NFKB1: variants seen among roughly 807,000 people sequenced by gnomAD.
The protein encoded by NFKB1 is nuclear factor kappa B subunit 1, also known as nuclear factor NF-kappa-B p105 subunit.
Under a neutral mutation model 105.1 loss-of-function variants are expected in NFKB1, and 9 were observed. That is an observed-to-expected ratio of 0.09 (90% CI 0.05 to 0.15). The LOEUF is 0.15. Ranked by LOEUF, NFKB1 falls within the 10% of genes least tolerant of loss-of-function variation. NFKB1 has a pLI of 1.00. For synonymous variants in NFKB1, 440 were observed against 442.2 expected (o/e 1.00, Z 0.06); for missense variants, 830 against 1,203.7 (o/e 0.69, Z 4.59).
chr4:102,607,241 G>A lies in NFKB1; in HGVS notation c.2046G>A (p.Glu682=). ...VAAGADVNAQ[E]QKSGRTALHL... ...CTGGGGCTGACGTCAATGCTCAGGA[G>A]CAGAAGTCCGGGCGCACAGCACTGC... is the stretch of plus-strand genomic sequence containing the variant. The change falls in exon 18 of 24, where the codon GAG becomes GAA. Residue 682 remains glutamate (E), a synonymous_variant. Coordinates refer to ENST00000226574, the MANE Select transcript of NFKB1 (RefSeq NM_003998.4). 1 of 1,614,216 alleles carries A rather than the reference G, an allele frequency of 6.2e-7. No individual in the cohort carries two copies. Among genetic ancestry groups the A allele is most frequent in the Non-Finnish European group, 8.5e-7 (1 of 1,180,044 alleles).
intron 1 of NFKB1, among the ~76,000 whole-genome samples, chr4:102,503,875 T>G (rs1739250080): frequency 6.6e-6 from 1 of 152,192 alleles, no homozygotes; most frequent in Admixed American, 6.5e-5. Flanking sequence ...TTAACTACAC[T>G]TTTAGACTTG....
At chr4:102,525,627 A>G in intron 2 of NFKB1, 70 bp downstream of exon 2, 2 of 1,365,674 alleles carry the variant, frequency 1.5e-6, no homozygotes, top group South Asian at 1.3e-5. Flanking sequence ...CAAAGGCAAC[A>G]TTAGTAAGTT....
At chr4:102,529,358 T>C (rs1379687632) in intron 2 of NFKB1, among the ~76,000 whole-genome samples, 1 of 152,202 alleles carries the variant, frequency 6.6e-6, no homozygotes, top group Non-Finnish European at 1.5e-5. Context: ...CTCTCTAGCA[T>C]TCTTTCAGGC....
chr4:102,597,772 C>T (rs376253472), intron 15 of NFKB1, 111 bp downstream of exon 15: 2 of 1,264,112 alleles, frequency 1.6e-6, no homozygotes, highest in East Asian at 4.9e-5. Context: ...ATTGAGTCCT[C>T]TAACTGGAAT....
chr4:102,533,367 G>T (rs1177827246), intron 3 of NFKB1, among the ~76,000 whole-genome samples: 1 of 152,148 alleles, frequency 6.6e-6, no homozygotes, highest in Non-Finnish European at 1.5e-5. Context: ...ATACATACAG[G>T]TTGCTAGATC....
At chr4:102,543,673 G>A (rs757640643) in intron 5 of NFKB1, among the ~76,000 whole-genome samples, 1 of 150,898 alleles carries the variant, frequency 6.6e-6, no homozygotes, top group South Asian at 2.1e-4. Context: ...AGTTTCTGTC[G>A]AGGTCGAATA....
chr4:102,591,586 GACAGCACATCTGTCT>G (rs1217530104), intron 11 of NFKB1, among the ~76,000 whole-genome samples: 1 of 152,036 alleles, frequency 6.6e-6, no homozygotes, highest in Non-Finnish European at 1.5e-5. Context: ...AAACCTGGAT[GACAGCACATCTGTCT>G]ACAGCATGGT....
rs148626207 is a variant in NFKB1, at chr4:102,612,593, T to C, written c.2579T>C (p.Met860Thr). The change falls in exon 22 of 24, where the codon ATG (methionine) becomes ACG (threonine). Residue 860 changes from methionine (M) to threonine (T), a missense_variant. Physicochemically the swap from Met to Thr is moderately conservative, Grantham distance 81 (BLOSUM62 -1). Around this residue, in one of 8 missense-constraint regions of NFKB1, gnomAD observed 418 missense variants for 575.3 expected, o/e 0.73. Coordinates refer to ENST00000226574, the MANE Select transcript of NFKB1 (RefSeq NM_003998.4). ...RLSPAPSKTL[M>T]DNYEVSGGTV... ...AGTCCTGCTCCTTCCAAAACACTTATGGACAACTATGAGGTAACACCTTAC... is the reference window on the plus strand; with the variant it reads ...AGTCCTGCTCCTTCCAAAACACTTACGGACAACTATGAGGTAACACCTTAC... The C allele has an allele frequency of 7.4e-6, 12 of 1,613,694 alleles. No homozygotes were observed. The highest frequency in any genetic ancestry group is 1.0e-5 in the Non-Finnish European group (12 of 1,179,992).
At chr4:102,538,622 T>C (rs1012166639) in intron 5 of NFKB1, among the ~76,000 whole-genome samples, 2 of 152,208 alleles carry the variant, frequency 1.3e-5, no homozygotes, top group African/African-American at 4.8e-5. Context: ...CCTTTTACCA[T>C]GTTCAGGCTG....
intron 5 of NFKB1, 110 bp from the exon 6 acceptor site, chr4:102,566,877 T>A: frequency 9.4e-7 from 1 of 1,064,094 alleles, no homozygotes; most frequent in Non-Finnish European, 1.4e-6. Context: ...TATATACATA[T>A]ATGAATAACT....
chr4:102,565,837 T>A (rs1475738572), intron 5 of NFKB1, among the ~76,000 whole-genome samples: 1 of 152,166 alleles, frequency 6.6e-6, no homozygotes, highest in Non-Finnish European at 1.5e-5. Flanking sequence ...GGGGCTTAGG[T>A]TATTCAGTTC....
At chr4:102,507,172 A>G (rs1436719294) in intron 1 of NFKB1, among the ~76,000 whole-genome samples, 1 of 151,908 alleles carries the variant, frequency 6.6e-6, no homozygotes, top group African/African-American at 2.4e-5. Flanking sequence ...AGTACTCCGA[A>G]GATTAATAGC....
rs34646774 is a variant in NFKB1, at chr4:102,609,611, C to CAAAAAAA, written c.2228-947_2228-941dup. 3.4e-3 allele frequency among the ~76,000 whole-genome samples: 217 copies of CAAAAAAA among 64,216 alleles called. 8 individuals carry two copies. The highest frequency in any genetic ancestry group is 0.011 in the African/African-American group (174 of 16,450). 42.1% of individuals were successfully genotyped at this position (64,216 alleles called of 152,430 possible). ...TGGGCAACAGAGCAAGACTCCATCT[C>CAAAAAAA]AAAAAAAAAAAAAAAAAAAAAAAGC... On this transcript the variant is annotated intron_variant, in intron 19 of 23. Coordinates refer to ENST00000226574, the MANE Select transcript of NFKB1 (RefSeq NM_003998.4).
At chr4:102,573,016 T>C (rs978455250) in intron 6 of NFKB1, among the ~76,000 whole-genome samples, 1 of 152,188 alleles carries the variant, frequency 6.6e-6, no homozygotes, top group African/African-American at 2.4e-5. Context: ...GTATAGAATT[T>C]TAGGTAGACA....
intron 15 of NFKB1, among the ~76,000 whole-genome samples, chr4:102,599,031 G>T (rs1041906694): frequency 6.6e-6 from 1 of 152,148 alleles, no homozygotes; most frequent in Non-Finnish European, 1.5e-5. Flanking sequence ...TTGGCTAATA[G>T]TTTAAATCCT....
intron 5 of NFKB1, among the ~76,000 whole-genome samples, chr4:102,561,375 G>A (rs1723432796): frequency 6.6e-6 from 1 of 151,270 alleles, no homozygotes; most frequent in Non-Finnish European, 1.5e-5. Context: ...CTGTGAAGGA[G>A]CCTTGCAAGG....
chr4:102,529,337 TC>T (rs1423054154), intron 2 of NFKB1, among the ~76,000 whole-genome samples: 1 of 152,312 alleles, frequency 6.6e-6, no homozygotes, highest in Non-Finnish European at 1.5e-5. Context: ...CTGTAAATAG[TC>T]CCAGAGGTGC....
intron 2 of NFKB1, among the ~76,000 whole-genome samples, chr4:102,529,010 T>G (rs230532): frequency 6.6e-6 from 1 of 152,006 alleles, no homozygotes; most frequent in South Asian, 2.1e-4. Flanking sequence ...TCTTGCTTCC[T>G]TTGTCATACT....
chr4:102,585,978 G>C (rs752507937), intron 11 of NFKB1, among the ~76,000 whole-genome samples: 1 of 152,206 alleles, frequency 6.6e-6, no homozygotes, highest in Non-Finnish European at 1.5e-5. Context: ...AGAGGGCTGT[G>C]AATGGCAGCT....
Sources: gnomAD v4.1 joint callset for allele counts (sites outside exome capture counted in the v4.1 genomes callset) on GRCh38, gnomAD v4.1.1 for gene constraint, gnomAD v4.1.1 regional missense constraint, MANE v1.5 for transcripts, NCBI Gene and HGNC (gene_info 2026-07-23, HGNC 2026-07-21) for gene names.